Variants in NRXN1 observed in about 807,000 individuals in gnomAD.
The protein encoded by NRXN1 is neurexin-1.
Under a neutral mutation model 150.9 loss-of-function variants are expected in NRXN1, and 39 were observed. The ratio of observed to expected loss-of-function variants is 0.26; its 90% CI spans 0.20 to 0.34. The LOEUF (loss-of-function observed/expected upper bound fraction) is 0.34, where lower values mean the gene tolerates loss of function less well. Ranked by LOEUF, NRXN1 falls within the 10% of genes least tolerant of loss-of-function variation. The pLI is 1.00. For missense variants in NRXN1, 1,815 were observed against 1,949.9 expected, an observed-to-expected ratio of 0.93 and a Z score of 1.30; for synonymous variants, 924 against 757.0, an observed-to-expected ratio of 1.22 and a Z score of -3.62.
At chr2:50,299,473 G>A (rs1312960195) in intron 17 of NRXN1, among the ~76,000 whole-genome samples, 1 of 150,890 alleles carries the variant, frequency 6.6e-6, no homozygotes, top group Non-Finnish European at 1.5e-5. Flanking sequence ...TCCCCCTGAA[G>A]AATTGATGTA....
chr2:50,122,971 T>G (rs1574034454), intron 18 of NRXN1, among the ~76,000 whole-genome samples: 1 of 152,214 alleles, frequency 6.6e-6, no homozygotes, highest in Non-Finnish European at 1.5e-5. Context: ...GAAAAATTTG[T>G]CTTCTCTCTG....
rs1437858037 is a variant in NRXN1, at chr2:50,220,126, C to T, written c.3546+16663G>A. 4.7e-5 allele frequency among the ~76,000 whole-genome samples: 7 copies of T among 148,324 alleles called. No homozygotes were observed. In the East Asian group the frequency reaches 1.4e-3, roughly 30 times the overall value. On this transcript the variant is annotated intron_variant, in intron 18 of 22. Coordinates refer to ENST00000401669, the MANE Select transcript of NRXN1 (RefSeq NM_001330078.2). The stretch of plus-strand genomic sequence containing the variant: ...GAGAGAAATATGAGTCACACTAACA[C>T]AAAGCATAATCAGCCTAACTCCTCA...
At chr2:50,142,805 G>A (rs369474192) in intron 18 of NRXN1, among the ~76,000 whole-genome samples, 1 of 151,750 alleles carries the variant, frequency 6.6e-6, no homozygotes, top group Admixed American at 6.6e-5. Flanking sequence ...GGACTTAAGA[G>A]GTGTGGCATT....
chr2:50,614,732 T>TTA (rs1678780418), intron 8 of NRXN1, among the ~76,000 whole-genome samples: 1 of 28,308 alleles, frequency 3.5e-5, no homozygotes, highest in Non-Finnish European at 7.4e-5. Context: ...TATCAGCCAT[T>TTA]CAAAAAAAAA....
chr2:50,220,533 A>G (rs1257361418), intron 18 of NRXN1, among the ~76,000 whole-genome samples: 1 of 152,020 alleles, frequency 6.6e-6, no homozygotes, highest in Non-Finnish European at 1.5e-5. Flanking sequence ...TCAGGCTAGT[A>G]TAATTCCCTC....
At chr2:51,011,281 C>T (rs1368501474) in intron 2 of NRXN1, among the ~76,000 whole-genome samples, 3 of 151,902 alleles carry the variant, frequency 2.0e-5, no homozygotes, top group Non-Finnish European at 2.9e-5. Context: ...GACCCACTAA[C>T]GTTTATTGAA....
At chr2:50,169,504 G>T (rs1304223565) in intron 18 of NRXN1, among the ~76,000 whole-genome samples, 1 of 152,086 alleles carries the variant, frequency 6.6e-6, no homozygotes, top group Non-Finnish European at 1.5e-5. Context: ...TACGAGGTCA[G>T]GAGTTCGAGA....
intron 5 of NRXN1, among the ~76,000 whole-genome samples, chr2:50,643,199 C>T (rs1353887200): frequency 6.6e-6 from 1 of 151,914 alleles, no homozygotes; most frequent in Non-Finnish European, 1.5e-5. Flanking sequence ...AGAGCCCTGA[C>T]TCCAGAATCA....
intron 18 of NRXN1, among the ~76,000 whole-genome samples, chr2:50,171,254 T>TGC (rs397731312): frequency 6.6e-6 from 1 of 151,514 alleles, no homozygotes; most frequent in Non-Finnish European, 1.5e-5. Context: ...TGTGTGTGTG[T>TGC]TTGTGTGTGT....
chr2:50,733,610 T>C (rs1358600877), intron 5 of NRXN1, among the ~76,000 whole-genome samples: 1 of 152,178 alleles, frequency 6.6e-6, no homozygotes, highest in Non-Finnish European at 1.5e-5. Flanking sequence ...AATTTATTAT[T>C]TTTATTGGGC....
chr2:50,090,619 C>A (rs1287637102), intron 19 of NRXN1, among the ~76,000 whole-genome samples: 1 of 152,036 alleles, frequency 6.6e-6, no homozygotes, highest in Admixed American at 6.6e-5. Flanking sequence ...TAATCTACCA[C>A]CTTTGTTTCA....
At chr2:50,246,396 C>A (rs1329181690) in intron 17 of NRXN1, among the ~76,000 whole-genome samples, 2 of 151,982 alleles carry the variant, frequency 1.3e-5, no homozygotes, top group African/African-American at 4.8e-5. Flanking sequence ...ATTTGCATCG[C>A]ATAGTTAAAT....
chr2:50,568,894 G>A (rs757784093), intron 8 of NRXN1, among the ~76,000 whole-genome samples: 115 of 152,170 alleles, frequency 7.6e-4, no homozygotes, highest in Non-Finnish European at 1.1e-3. Context: ...AGCAACCTAA[G>A]TGTCCACCAA....
chr2:50,557,989 G>A (rs1019596971), intron 8 of NRXN1, among the ~76,000 whole-genome samples: 1 of 152,112 alleles, frequency 6.6e-6, no homozygotes, highest in African/African-American at 2.4e-5. Flanking sequence ...CAGCAGGCTA[G>A]CTAACCTAGG....
At chr2:50,561,098 A>T (rs1322438942) in intron 8 of NRXN1, among the ~76,000 whole-genome samples, 1 of 152,196 alleles carries the variant, frequency 6.6e-6, no homozygotes, top group Non-Finnish European at 1.5e-5. Flanking sequence ...AAGAAAAAGG[A>T]AAAGAAAACC....
chr2:50,034,412 T>C (rs1026767885), intron 21 of NRXN1, among the ~76,000 whole-genome samples: 2 of 152,114 alleles, frequency 1.3e-5, no homozygotes, highest in East Asian at 3.9e-4. Context: ...AAATATCACA[T>C]GTTCTCACTT....
chr2:51,028,329 C>G lies in NRXN1; in HGVS notation c.-56G>C. 1.6e-6 allele frequency: 2 copies of G among 1,222,432 alleles called. No homozygotes were observed. The highest frequency in any genetic ancestry group is 2.2e-6 in the Non-Finnish European group (2 of 920,326). The allele number at this position is 1,222,432 out of a possible 1,614,324, so 75.7% of individuals were successfully genotyped here. Reference sequence around the variant, plus strand: ...CGGGGCCGACAGGGTCAAAATGGTCCTGGACACCGTGACGAAGAAATAAGG... The same window carrying G: ...CGGGGCCGACAGGGTCAAAATGGTCGTGGACACCGTGACGAAGAAATAAGG... On this transcript the variant is annotated 5_prime_UTR_variant, in exon 2 of 23. Coordinates refer to ENST00000401669, the MANE Select transcript of NRXN1 (RefSeq NM_001330078.2).
chr2:50,028,694 A>T (rs1289840484), intron 21 of NRXN1, among the ~76,000 whole-genome samples: 1 of 152,224 alleles, frequency 6.6e-6, no homozygotes, highest in Non-Finnish European at 1.5e-5. Flanking sequence ...CAAATATAAC[A>T]ATATAATGAA....
At chr2:50,309,263 TACAC>T (rs1432958404) in intron 17 of NRXN1, among the ~76,000 whole-genome samples, 2 of 152,128 alleles carry the variant, frequency 1.3e-5, no homozygotes, top group African/African-American at 4.8e-5. Context: ...AATTGAAAAA[TACAC>T]AAACATCAAT....
Sources: allele counts gnomAD v4.1 joint callset (sites outside exome capture counted in the v4.1 genomes callset), GRCh38; gene constraint gnomAD v4.1.1; transcripts MANE v1.5; gene names NCBI Gene and HGNC (gene_info 2026-07-23, HGNC 2026-07-21).